Variants in SH2D5 observed in about 807,000 individuals in gnomAD.
SH2D5 encodes the protein SH2 domain-containing protein 5.
SH2D5 carries 45 observed loss-of-function variants against 48.2 expected under a neutral mutation model. That is an observed-to-expected ratio of 0.93 (90% confidence interval 0.73 to 1.20). The LOEUF is 1.20. Ranked by LOEUF, SH2D5 falls within the 50% of genes most tolerant of loss-of-function variation. The probability of loss-of-function intolerance (pLI) is 0.00; values close to 1 mark genes in which losing one functional copy is unlikely to be tolerated. For synonymous variants in SH2D5, 230 were observed against 249.8 expected (o/e 0.92, Z 0.75); for missense variants, 538 against 584.1 (o/e 0.92, Z 0.81).
chr1:20,726,570 C>G (rs901479903), intron 4 of SH2D5, among the ~76,000 whole-genome samples: 2 of 152,082 alleles, frequency 1.3e-5, no homozygotes, highest in Non-Finnish European at 2.9e-5. Flanking sequence ...CAGTCTGGCG[C>G]GCAATCAGTG....
At chr1:20,725,828 G>T in intron 5 of SH2D5, 92 bp downstream of exon 5, 1 of 1,511,514 alleles carries the variant, frequency 6.6e-7, no homozygotes, top group Non-Finnish European at 9.0e-7. Flanking sequence ...GGATCAGGCC[G>T]CCCTGGCAAA....
At chr1:20,730,738 G>A (rs1287158010) in intron 1 of SH2D5, 3 of 152,458 alleles carry the variant, frequency 2.0e-5, no homozygotes, top group African/African-American at 7.2e-5. Context: ...TGTCTCTTTG[G>A]GGCAGACCTG....
In SH2D5 at chr1:20,722,859, G is replaced by A; in HGVS notation, c.965C>T (p.Pro322Leu). The change falls in exon 9 of 10, where the codon CCT (proline) becomes CTT (leucine). Residue 322 changes from proline (P) to leucine (L), a missense_variant. By Grantham distance (98) the Pro-to-Leu change is moderately conservative. Coordinates refer to ENST00000444387, the MANE Select transcript of SH2D5 (RefSeq NM_001103161.2). ...RDVLGAFLLW[P>L]ELGASGQWCL... ...CCACTGGCCGCTAGCACCCAGCTCA[G>A]GCCACAGCAGGAAGGCCCCCAGCAC... 3 of 1,605,616 alleles carry A rather than the reference G, an allele frequency of 1.9e-6. No individual in the cohort carries two copies. Among genetic ancestry groups the A allele is most frequent in the Non-Finnish European group, 1.7e-6 (2 of 1,176,570 alleles).
rs2054835651 is a variant in SH2D5 at position 20,727,983 on chromosome 1, GGCCGGTGAGGGGCCAGCCC to G, written c.43_61del (p.Gly15ProfsTer35). 6.4e-7 allele frequency: 1 copy of G among 1,572,338 alleles called. No individual in the cohort carries two copies. Among genetic ancestry groups the G allele is most frequent in the Non-Finnish European group, 8.6e-7 (1 of 1,159,656 alleles). On this transcript the variant is annotated frameshift_variant, in exon 2 of 10. Transcript: ENST00000444387. LOFTEE classifies it high-confidence loss of function. Reference sequence around the variant, plus strand: ...CTGGGCAAACTTGGTGATGCACCTGGGCCGGTGAGGGGCCAGCCCGCAGTCAGAGGCCCTGCGGCCCCCA... The same window carrying G: ...CTGGGCAAACTTGGTGATGCACCTGGGCAGTCAGAGGCCCTGCGGCCCCCA...
chr1:20,722,765 G>A lies in SH2D5; in HGVS notation c.1059C>T (p.Tyr353=), dbSNP rs762316083. The change falls in exon 9 of 10, where the codon TAC becomes TAT. Residue 353 remains tyrosine, a synonymous_variant. Coordinates refer to ENST00000444387, the MANE Select transcript of SH2D5 (RefSeq NM_001103161.2). The part of the protein sequence containing the change: ...HQVFRNHLGR[Y]CLEHLPAEFP... The stretch of plus-strand genomic sequence containing the variant: ...GCTGCTGCGCTCTTACCTCCAAGCA[G>A]TAGCGGCCCAGGTGGTTCCGGAAGA... 4 of 1,518,078 alleles carry A rather than the reference G, an allele frequency of 2.6e-6. No homozygotes were observed. Among genetic ancestry groups the A allele is most frequent in the Admixed American group, 4.0e-5 (2 of 49,872 alleles). The allele number at this position is 1,518,078 out of a possible 1,614,324, so 94.0% of individuals were successfully genotyped here.
At chr1:20,727,694 G>C (rs2054828980) in intron 2 of SH2D5, 91 bp from the exon 3 acceptor site, 11 of 1,193,112 alleles carry the variant, frequency 9.2e-6, no homozygotes, top group Non-Finnish European at 1.3e-5. Flanking sequence ...ACACACATCT[G>C]CTCTGCCAGG....
Position 20,725,919 on chromosome 1 carries a change from C to A in SH2D5, c.390+1G>T, listed in dbSNP as rs1033923123. The A allele has an allele frequency of 6.2e-7, 1 of 1,612,998 alleles. No homozygotes were observed. Among genetic ancestry groups the A allele is most frequent in the Non-Finnish European group, 8.5e-7 (1 of 1,179,832 alleles). Reference sequence around the variant, plus strand: ...GGTCCCCTGCCTCAAGCCCCAGATACCTCTCCTGGCTGGCTGCCCACAAAG... The same window carrying A: ...GGTCCCCTGCCTCAAGCCCCAGATAACTCTCCTGGCTGGCTGCCCACAAAG... On this transcript the variant is annotated splice_donor_variant, in intron 5 of 9. Transcript: ENST00000444387. LOFTEE classifies it high-confidence loss of function.
At position 20,727,942 on chromosome 1, in the gene SH2D5, G is replaced by A. The variant is rs2054834625; in HGVS notation, c.87+16C>T. ...CCACCCACCAGAGCACACCTGGACA[G>A]GGTGGCCCCACCCACCTGGGCAAAC... is the stretch of plus-strand genomic sequence containing the variant. On this transcript the variant is annotated intron_variant, in intron 2 of 9. Transcript: ENST00000444387. 6.5e-7 allele frequency: 1 copy of A among 1,549,562 alleles called. No individual in the cohort carries two copies. Among genetic ancestry groups the A allele is most frequent in the Non-Finnish European group, 8.8e-7 (1 of 1,141,930 alleles).
Position 20,721,666 on chromosome 1 carries a change from A to G in SH2D5, c.*126T>C. On this transcript the variant is annotated 3_prime_UTR_variant, in exon 10 of 10. Coordinates refer to ENST00000444387, the MANE Select transcript of SH2D5 (RefSeq NM_001103161.2). ...CCTCCCACGGACAGTGACGCGATGG[A>G]AGACTGCTCCAAGGGCAGGGTGACT... 1.1e-6 allele frequency: 1 copy of G among 902,706 alleles called. No individual in the cohort carries two copies. The highest frequency in any genetic ancestry group is 1.6e-6 in the Non-Finnish European group (1 of 620,482). The allele number at this position is 902,706 out of a possible 1,614,324, so 55.9% of individuals were successfully genotyped here.
rs765362118 is a variant in SH2D5, at chr1:20,724,097, G to A, written c.785C>T (p.Ser262Leu). ...CCACAACTCACAGGCCTCCCGAGCC[G>A]ACAGCTGCAGCTGGGTCTCATAGGT... ...GCTYETQLQL[S>L]AREAFPAAWE... The change falls in exon 7 of 10, where the codon TCG becomes TTG. Residue 262 changes from serine (S) to leucine (L), a missense_variant. Ser to Leu is a moderately radical substitution (Grantham distance 145). Transcript: ENST00000444387. The A allele has an allele frequency of 2.9e-5, 46 of 1,610,964 alleles. No individual in the cohort carries two copies. Among genetic ancestry groups the A allele is most frequent in the East Asian group, 6.7e-5 (3 of 44,818 alleles).
chr1:20,724,752 T>G, intron 5 of SH2D5, 117 bp from the exon 6 acceptor site: 30 of 1,260,804 alleles, frequency 2.4e-5, no homozygotes, highest in Middle Eastern at 2.7e-4. Flanking sequence ...TCGGAGGCTC[T>G]TCCCATTCTT....
chr1:20,721,983 CT>C lies in SH2D5; in HGVS notation c.1080del (p.Glu361SerfsTer28). 1 of 1,612,788 alleles carries C rather than the reference CT, an allele frequency of 6.2e-7. No homozygotes were observed. The highest frequency in any genetic ancestry group is 8.5e-7 in the Non-Finnish European group (1 of 1,179,838). ...ACCAGAGCCTCCAGGCTGGGGAACTCTGCCGGCAGGTGCTAGGGGAGGAAGG... is the reference window on the plus strand; with the variant it reads ...ACCAGAGCCTCCAGGCTGGGGAACTCGCCGGCAGGTGCTAGGGGAGGAAGG... ...LGRYCLEHLPAEFPSLEALVE... is the reference protein window; with the variant it reads ...LGRYCLEHLPXEFPSLEALVE... On this transcript the variant is annotated frameshift_variant, in exon 10 of 10. Transcript: ENST00000444387. LOFTEE classifies it high-confidence loss of function.
intron 1 of SH2D5, among the ~76,000 whole-genome samples, chr1:20,730,383 C>A (rs993993434): frequency 2.0e-5 from 3 of 152,062 alleles, no homozygotes; most frequent in Admixed American, 2.0e-4. Flanking sequence ...CACACTCACA[C>A]GCGCACACAG....
At chr1:20,730,378 TCA>T (rs1423483003) in intron 1 of SH2D5, among the ~76,000 whole-genome samples, 18 of 150,096 alleles carry the variant, frequency 1.2e-4, no homozygotes, top group African/African-American at 4.2e-4. Flanking sequence ...CATCTCACAC[TCA>T]CACGCGCACA....
Position 20,724,465 on chromosome 1 carries a change from C to G in SH2D5, c.561G>C (p.Gln187His), listed in dbSNP as rs592060. 3 of 1,612,794 alleles carry G rather than the reference C, an allele frequency of 1.9e-6. No homozygotes were observed. Among genetic ancestry groups the G allele is most frequent in the Non-Finnish European group, 2.5e-6 (3 of 1,179,938 alleles). ...GLVREPFGRD[Q>H]LSQNVHALVS... is the part of the protein sequence containing the mutation. The stretch of plus-strand genomic sequence containing the variant: ...CCAGGGCATGGACGTTCTGAGAGAG[C>G]TGATCACGGCCGAAGGGCTCCCGCA... The change falls in exon 6 of 10, where the codon CAG becomes CAC. Residue 187 changes from glutamine (Q) to histidine (H), a missense_variant. Transcript: ENST00000444387.
chr1:20,726,159 T>A (rs2054795657), intron 4 of SH2D5, 93 bp from the exon 5 acceptor site: 1 of 1,424,066 alleles, frequency 7.0e-7, no homozygotes, highest in Non-Finnish European at 9.4e-7. Context: ...CCCTCCCTCC[T>A]TCCAGGCCCG....
intron 5 of SH2D5, among the ~76,000 whole-genome samples, chr1:20,724,937 C>A (rs58464781): frequency 0.14 from 21,098 of 152,286 alleles, 2,618 homozygotes; most frequent in East Asian, 0.71. Flanking sequence ...ACCAGCCCCA[C>A]CCTGCATGCC....
chr1:20,726,831 C>T (rs2054810299), intron 4 of SH2D5, among the ~76,000 whole-genome samples, 170 bp downstream of exon 4: 1 of 151,934 alleles, frequency 6.6e-6, no homozygotes, highest in African/African-American at 2.4e-5. Flanking sequence ...AGGAGGCGGC[C>T]CCTGGTGCAA....
Position 20,724,655 on chromosome 1 carries a change from G to A in SH2D5, c.391-20C>T. Reference sequence around the variant, plus strand: ...CTGGACCTGGGAGGGAGGGAGAGAGGTGGGCTCAGCTGGAGGAGGTCTCCA... The same window carrying A: ...CTGGACCTGGGAGGGAGGGAGAGAGATGGGCTCAGCTGGAGGAGGTCTCCA... On this transcript the variant is annotated intron_variant, in intron 5 of 9. Coordinates refer to ENST00000444387, the MANE Select transcript of SH2D5 (RefSeq NM_001103161.2). The A allele has an allele frequency of 1.3e-6, 2 of 1,528,190 alleles. No homozygotes were observed. Among genetic ancestry groups the A allele is most frequent in the Non-Finnish European group, 1.8e-6 (2 of 1,139,694 alleles). 94.7% of individuals were successfully genotyped at this position (1,528,190 alleles called of 1,614,324 possible).
Sources: allele counts gnomAD v4.1 joint callset (sites outside exome capture counted in the v4.1 genomes callset), GRCh38; gene constraint gnomAD v4.1.1; transcripts MANE v1.5; gene names NCBI Gene and HGNC (gene_info 2026-07-23, HGNC 2026-07-21).